The following CPLX2 variants were observed in gnomAD, a reference collection of about 807,000 sequenced individuals.
CPLX2 encodes complexin 2.
CPLX2 carries 5 observed loss-of-function variants against 16.3 expected under a neutral mutation model. That is an observed-to-expected ratio of 0.31 (90% confidence interval 0.16 to 0.64). The LOEUF (loss-of-function observed/expected upper bound fraction) is 0.64. CPLX2 is among the 30% of genes least tolerant of loss of function. The pLI is 0.79. For synonymous variants in CPLX2, 89 were observed against 73.2 expected (o/e 1.22, Z -1.10); for missense variants, 144 against 181.4 (o/e 0.79, Z 1.18).
At position 175,802,254 on chromosome 5, in the gene CPLX2, G is replaced by A. The variant is rs138043502; in HGVS notation, c.-169+5470G>A. 3.6e-3 allele frequency among the ~76,000 whole-genome samples: 548 copies of A among 152,218 alleles called. 1 individual carries two copies. Among genetic ancestry groups the A allele is most frequent in the African/African-American group, 0.013 (533 of 41,518 alleles). On this transcript the variant is annotated intron_variant, in intron 1 of 4. Transcript: ENST00000359546. ...ACCAAACTTCCAGAGGTGTTGACGT[G>A]GGGTCTCAAGCCCTTCCAAATCCTA... is the stretch of plus-strand genomic sequence containing the variant.
At position 175,880,693 on chromosome 5, in the gene CPLX2, C is replaced by G. The variant is rs1268162779; in HGVS notation, c.*648C>G. 6.5e-6 allele frequency: 1 copy of G among 154,384 alleles called. No individual in the cohort carries two copies. The highest frequency in any genetic ancestry group is 1.4e-5 in the Non-Finnish European group (1 of 69,278). The allele number at this position is 154,384 out of a possible 1,614,324, so 9.6% of individuals were successfully genotyped here. On this transcript the variant is annotated 3_prime_UTR_variant, in exon 4 of 4. Transcript: ENST00000393745. The stretch of plus-strand genomic sequence containing the variant: ...CCAAGCTGGTCCCTTCAAATGGATC[C>G]TTTGTGGACTTTAGCTCATTTGTGG...
chr5:175,809,398 T>C lies in CPLX2; in HGVS notation c.-89+330T>C, dbSNP rs540617272. The C allele has an allele frequency of 1.3e-5, 2 of 152,346 alleles. No individual in the cohort carries two copies. The highest frequency in any genetic ancestry group is 4.1e-4 in the South Asian group (2 of 4,828). 9.4% of individuals were successfully genotyped at this position (152,346 alleles called of 1,614,324 possible). ...TGCCTAAAGACACACAGCTGGTAGG[T>C]AGCTAAGGCTGAATTCCAAGCTTTT... On this transcript the variant is annotated intron_variant, in intron 2 of 4. Transcript: ENST00000359546. This position sits in a 1 kb window ranked among gnomAD's most constrained non-coding sequence, Gnocchi z 4.4.
intron 2 of CPLX2, among the ~76,000 whole-genome samples, chr5:175,829,790 C>T (rs1382849546): frequency 6.6e-6 from 1 of 152,232 alleles, no homozygotes; most frequent in Non-Finnish European, 1.5e-5. Flanking sequence ...TAGGAAGACA[C>T]AAAGCCAGAG....
chr5:175,830,350 T>G lies in CPLX2; in HGVS notation c.-89+21282T>G, dbSNP rs1425047666. ...AGCTGAAATCATTGATGCTCAGACA[T>G]GAAGCAACTTGCCCAGGGTTACACA... On this transcript the variant is annotated intron_variant, in intron 2 of 4. Transcript: ENST00000359546. This position sits in a 1 kb window ranked among gnomAD's most constrained non-coding sequence, Gnocchi z 4.0. Among the ~76,000 whole-genome samples, 1 of 152,120 alleles carries G rather than the reference T, an allele frequency of 6.6e-6. No homozygotes were observed. Among genetic ancestry groups the G allele is most frequent in the Non-Finnish European group, 1.5e-5 (1 of 68,018 alleles).
chr5:175,841,954 C>G (rs767293651), intron 2 of CPLX2, among the ~76,000 whole-genome samples: 6 of 152,256 alleles, frequency 3.9e-5, no homozygotes, highest in Non-Finnish European at 7.3e-5. Flanking sequence ...GGACCCCACT[C>G]TCCTAGCACT....
intron 2 of CPLX2, among the ~76,000 whole-genome samples, chr5:175,834,701 G>C (rs13184534): frequency 0.26 from 39,276 of 151,928 alleles, 5,990 homozygotes; most frequent in African/African-American, 0.41. Flanking sequence ...GGTGAAACCT[G>C]GTCTCTACTA....
At chr5:175,807,164 G>A (rs889885839) in intron 1 of CPLX2, among the ~76,000 whole-genome samples, 2 of 152,206 alleles carry the variant, frequency 1.3e-5, no homozygotes, top group African/African-American at 4.8e-5. Context: ...GCTCTGTAAG[G>A]AATGACGCTC....
At chr5:175,835,419 C>T (rs1228190709) in intron 2 of CPLX2, among the ~76,000 whole-genome samples, 1 of 152,216 alleles carries the variant, frequency 6.6e-6, no homozygotes, top group East Asian at 1.9e-4. Context: ...CAAAATATTT[C>T]TAGAAAATAG....
At chr5:175,828,375 C>G (rs1443595698) in intron 2 of CPLX2, among the ~76,000 whole-genome samples, 1 of 152,142 alleles carries the variant, frequency 6.6e-6, no homozygotes, top group Admixed American at 6.5e-5. Flanking sequence ...TATTACCCAG[C>G]ATCTGTATGT....
chr5:175,871,344 C>T (rs1258860311), upstream of CPLX2, among the ~76,000 whole-genome samples: 9 of 88,968 alleles, frequency 1.0e-4, no homozygotes, highest in East Asian at 3.8e-4. Context: ...GAGAAGGAGA[C>T]GGGAGGGAGG....
chr5:175,847,452 G>A (rs997089311), intron 2 of CPLX2, among the ~76,000 whole-genome samples: 8 of 152,180 alleles, frequency 5.3e-5, no homozygotes, highest in Admixed American at 2.6e-4. Flanking sequence ...CCATCACGAC[G>A]TGCCTTCGCT....
chr5:175,879,527 G>A (rs1388581512), intron 3 of CPLX2, among the ~76,000 whole-genome samples: 10 of 152,230 alleles, frequency 6.6e-5, no homozygotes, highest in Admixed American at 6.5e-4. Context: ...TCTTCCATTG[G>A]TTCAAGTCAG....
chr5:175,831,546 GTC>G (rs1164318308), intron 2 of CPLX2, among the ~76,000 whole-genome samples: 1 of 152,198 alleles, frequency 6.6e-6, no homozygotes, highest in Admixed American at 6.5e-5. Flanking sequence ...TGATGCAAGT[GTC>G]TCTGTTATGG....
At position 175,799,889 on chromosome 5, in the gene CPLX2, C is replaced by T. The variant is rs1758060923; in HGVS notation, c.-169+3105C>T. Among the ~76,000 whole-genome samples, 4 of 151,876 alleles carry T rather than the reference C, an allele frequency of 2.6e-5. No homozygotes were observed. In the South Asian group the frequency reaches 8.3e-4, roughly 32 times the overall value. On this transcript the variant is annotated intron_variant, in intron 1 of 4. Transcript: ENST00000359546. ...CTTGGTGGCACCTTCTTTCTGGCTG[C>T]TGTGTTAACCTCCCAGCTGGCCCCT... is the stretch of plus-strand genomic sequence containing the variant.
chr5:175,815,332 C>T (rs1451670224), intron 2 of CPLX2, among the ~76,000 whole-genome samples: 2 of 151,960 alleles, frequency 1.3e-5, no homozygotes, highest in African/African-American at 2.4e-5. Flanking sequence ...TAATGAGAAC[C>T]GACTCACTCA....
intron 2 of CPLX2, among the ~76,000 whole-genome samples, chr5:175,860,814 C>T (rs923122889): frequency 2.6e-5 from 4 of 152,048 alleles, no homozygotes; most frequent in Non-Finnish European, 5.9e-5. Context: ...AGAGTCAACC[C>T]CACCCAAACC....
chr5:175,881,409 T>C lies in CPLX2; in HGVS notation c.*1364T>C, dbSNP rs899812378. 5.9e-5 allele frequency: 9 copies of C among 153,490 alleles called. No individual in the cohort carries two copies. Among genetic ancestry groups the C allele is most frequent in the African/African-American group, 2.2e-4 (9 of 41,464 alleles). 9.5% of individuals were successfully genotyped at this position (153,490 alleles called of 1,614,324 possible). On this transcript the variant is annotated 3_prime_UTR_variant, in exon 4 of 4. Coordinates refer to ENST00000393745, the MANE Select transcript of CPLX2 (RefSeq NM_001008220.2). ...TTGAAATTGTGTCATATGTGTGTGC[T>C]ATCCATCTCGTGTTTAGAGGCTGTA...
At chr5:175,868,053 G>C (rs1269247324), upstream of CPLX2, among the ~76,000 whole-genome samples, 1 of 152,166 alleles carries the variant, frequency 6.6e-6, no homozygotes, top group Non-Finnish European at 1.5e-5. Flanking sequence ...CCAGGCTTAG[G>C]CTAGAATGAC....
At chr5:175,879,705 C>T in intron 3 of CPLX2, 143 bp from the exon 4 acceptor site, 1 of 778,414 alleles carries the variant, frequency 1.3e-6, no homozygotes, top group Non-Finnish European at 2.3e-6. Flanking sequence ...AGGGAAGACA[C>T]CCTTATCCCC....
Sources: gnomAD v4.1 joint callset for allele counts (sites outside exome capture counted in the v4.1 genomes callset) on GRCh38, gnomAD v4.1.1 for gene constraint, Gnocchi (gnomAD v3.1) non-coding constraint, MANE v1.5 for transcripts, NCBI Gene and HGNC (gene_info 2026-07-23, HGNC 2026-07-21) for gene names.